The following SARNP variants were observed in gnomAD, a reference collection of about 807,000 sequenced individuals.
The protein encoded by SARNP is SAP domain-containing ribonucleoprotein.
Under a neutral mutation model 38.1 loss-of-function variants are expected in SARNP, and 5 were observed. The observed-to-expected ratio is 0.13, with a 90% confidence interval of 0.07 to 0.28. The LOEUF (loss-of-function observed/expected upper bound fraction) is 0.28, where lower values mean the gene tolerates loss of function less well. Ranked by LOEUF, SARNP falls within the 10% of genes least tolerant of loss-of-function variation. The pLI, the probability that SARNP is intolerant of heterozygous loss-of-function variation, is 1.00. For missense variants in SARNP, 180 were observed against 243.9 expected (o/e 0.74, Z 1.75); for synonymous variants, 84 against 80.6 (o/e 1.04, Z -0.23).
At chr12:55,775,779 C>T (rs930257585) in intron 9 of SARNP, among the ~76,000 whole-genome samples, 1 of 152,080 alleles carries the variant, frequency 6.6e-6, no homozygotes, top group Non-Finnish European at 1.5e-5. Flanking sequence ...TGACCTTCTT[C>T]AGCTATCAGT....
intron 1 of SARNP, among the ~76,000 whole-genome samples, chr12:55,813,215 A>T (rs985249374): frequency 6.6e-6 from 1 of 152,168 alleles, no homozygotes; most frequent in African/African-American, 2.4e-5. Context: ...AAGTGCTGGG[A>T]TTACAGGCAT....
downstream of SARNP, chr12:55,755,079 GGGA>G: frequency 6.6e-6 from 1 of 152,272 alleles, no homozygotes; most frequent in Non-Finnish European, 1.5e-5. Flanking sequence ...GCAAGAGAAG[GGGA>G]GGTTAAATTT....
At chr12:55,796,133 C>G in intron 4 of SARNP, 57 bp from the exon 5 acceptor site, 2 of 1,228,578 alleles carry the variant, frequency 1.6e-6, no homozygotes, top group Non-Finnish European at 2.4e-6. Context: ...ACCACAACCT[C>G]AGAAATGTGT....
chr12:55,771,447 C>T (rs1182836383), intron 9 of SARNP, among the ~76,000 whole-genome samples: 2 of 152,098 alleles, frequency 1.3e-5, no homozygotes, highest in African/African-American at 4.8e-5. Context: ...AAGAATTAAC[C>T]AAGCCAGGCA....
At chr12:55,767,545 T>C (rs952680970) in intron 9 of SARNP, among the ~76,000 whole-genome samples, 2 of 151,326 alleles carry the variant, frequency 1.3e-5, no homozygotes, top group African/African-American at 4.9e-5. Flanking sequence ...TGAGATCTTG[T>C]CTCAAAAATA....
chr12:55,815,829 C>T (rs1441052450), intron 1 of SARNP: 1 of 152,200 alleles, frequency 6.6e-6, no homozygotes, highest in African/African-American at 2.4e-5. Context: ...TTTATGAAGC[C>T]CCTCAAACTG....
chr12:55,779,578 G>A (rs74862721), intron 9 of SARNP, among the ~76,000 whole-genome samples: 77 of 152,216 alleles, frequency 5.1e-4, no homozygotes, highest in African/African-American at 1.9e-3. Flanking sequence ...GGTTTATAAA[G>A]TTCCATGTTG....
chr12:55,775,241 T>TAAAAAAA (rs375018386), intron 9 of SARNP, among the ~76,000 whole-genome samples: 1 of 118,554 alleles, frequency 8.4e-6, no homozygotes. Flanking sequence ...AGGTTAAAAT[T>TAAAAAAA]AAAAAAAAAA....
chr12:55,789,976 A>C, intron 8 of SARNP, among the ~76,000 whole-genome samples: 1 of 151,382 alleles, frequency 6.6e-6, no homozygotes, highest in Non-Finnish European at 1.5e-5. Context: ...ATATTTAGGA[A>C]ATTTTCATTA....
intron 9 of SARNP, among the ~76,000 whole-genome samples, chr12:55,783,934 A>AT (rs1448999521): frequency 6.6e-6 from 1 of 152,152 alleles, no homozygotes. Context: ...TCTAAAAAAA[A>AT]GAAAAAAAGA....
chr12:55,803,703 A>C lies in SARNP; in HGVS notation c.62T>G (p.Leu21Arg). ...TCCCTTGGTCTCCAAACCACGAGCA[A>C]GACATTCTTGCTTTAGTTCGGCAAG... ...LKLAELKQEC[L>R]ARGLETKGIK... Residue 21 changes from leucine (L) to arginine (R), a missense_variant, in exon 2 of 11, where the codon CTT becomes CGT. Coordinates refer to ENST00000336133, the MANE Select transcript of SARNP (RefSeq NM_033082.4). 1 of 1,613,424 alleles carries C rather than the reference A, an allele frequency of 6.2e-7. No individual in the cohort carries two copies. Among genetic ancestry groups the C allele is most frequent in the Non-Finnish European group, 8.5e-7 (1 of 1,179,534 alleles).
chr12:55,799,036 A>T (rs1217329122), intron 4 of SARNP, among the ~76,000 whole-genome samples: 1 of 152,244 alleles, frequency 6.6e-6, no homozygotes, highest in East Asian at 1.9e-4. Flanking sequence ...ATGTGAAAAA[A>T]AATCAAGTGT....
chr12:55,816,333 A>G (rs1196379942), intron 1 of SARNP, among the ~76,000 whole-genome samples: 4 of 152,238 alleles, frequency 2.6e-5, no homozygotes, highest in Non-Finnish European at 1.5e-5. Context: ...TACAGTATAT[A>G]TAAACAAAGT....
At chr12:55,772,424 C>T (rs1423620459) in intron 9 of SARNP, among the ~76,000 whole-genome samples, 1 of 152,154 alleles carries the variant, frequency 6.6e-6, no homozygotes, top group East Asian at 1.9e-4. Context: ...ACCACTCACT[C>T]ACTAGGTTCT....
At chr12:55,774,049 G>C (rs544567044) in intron 9 of SARNP, among the ~76,000 whole-genome samples, 2 of 152,118 alleles carry the variant, frequency 1.3e-5, no homozygotes, top group African/African-American at 4.8e-5. Flanking sequence ...CTGTCACCCA[G>C]GCTGGAGTGC....
At chr12:55,759,218 A>G (rs1878601949) in intron 10 of SARNP, among the ~76,000 whole-genome samples, 1 of 152,314 alleles carries the variant, frequency 6.6e-6, no homozygotes, top group Middle Eastern at 3.4e-3. Context: ...ATTTGAGTCC[A>G]CTGTCCTTTT....
At chr12:55,803,015 A>C (rs1357514906) in intron 2 of SARNP, among the ~76,000 whole-genome samples, 2 of 152,310 alleles carry the variant, frequency 1.3e-5, no homozygotes, top group East Asian at 3.9e-4. Context: ...TATAAATGAA[A>C]ACATTCTACA....
At chr12:55,757,788 T>C (rs1878557850) in intron 10 of SARNP, among the ~76,000 whole-genome samples, 1 of 151,982 alleles carries the variant, frequency 6.6e-6, no homozygotes, top group African/African-American at 2.4e-5. Context: ...AGAAGATTAC[T>C]GGGGGTGAGG....
chr12:55,799,711 G>A (rs1044262896), intron 4 of SARNP, among the ~76,000 whole-genome samples: 6 of 151,098 alleles, frequency 4.0e-5, no homozygotes, highest in African/African-American at 1.5e-4. Flanking sequence ...CCTCCACCAC[G>A]CCCAACTAAT....
Sources: allele counts gnomAD v4.1 joint callset (sites outside exome capture counted in the v4.1 genomes callset), GRCh38; gene constraint gnomAD v4.1.1; transcripts MANE v1.5; gene names NCBI Gene and HGNC (gene_info 2026-07-23, HGNC 2026-07-21).